Variants in DOCK10 observed in about 807,000 individuals in gnomAD.
DOCK10 encodes the protein dedicator of cytokinesis protein 10.
DOCK10 carries 145 observed loss-of-function variants against 280.1 expected under a neutral mutation model. The ratio of observed to expected loss-of-function variants is 0.52; its 90% CI spans 0.45 to 0.59. DOCK10 has a LOEUF of 0.59. DOCK10 is among the 20% of genes least tolerant of loss of function. The pLI is 0.00. For synonymous variants in DOCK10, 915 were observed against 942.2 expected, an observed-to-expected ratio of 0.97 and a Z score of 0.53; for missense variants, 2,368 against 2,651.7, an observed-to-expected ratio of 0.89 and a Z score of 2.35.
intron 28 of DOCK10, 62 bp downstream of exon 28, chr2:224,823,439 A>G: frequency 7.2e-7 from 1 of 1,389,748 alleles, no homozygotes; most frequent in Non-Finnish European, 9.5e-7. Context: ...ATGAAAGTTT[A>G]GACTATCTTG....
chr2:224,841,275 G>T (rs950284400), intron 23 of DOCK10, among the ~76,000 whole-genome samples: 3 of 152,030 alleles, frequency 2.0e-5, no homozygotes, highest in Non-Finnish European at 4.4e-5. Context: ...ATAAGTATGT[G>T]ATATAATAAA....
intron 1 of DOCK10, among the ~76,000 whole-genome samples, chr2:224,976,695 A>AAG (rs1559908715): frequency 6.6e-6 from 1 of 151,608 alleles, no homozygotes; most frequent in African/African-American, 2.4e-5. Context: ...AAAAAAAAAA[A>AAG]AAAAGGTTCC....
At position 224,947,878 on chromosome 2, in the gene DOCK10, C is replaced by T. The variant is rs576678638; in HGVS notation, c.124-16210G>A. Among the ~76,000 whole-genome samples, 6 of 152,198 alleles carry T rather than the reference C, an allele frequency of 3.9e-5. No homozygotes were observed. The South Asian group carries it at 6.2e-4, about 16-fold the overall frequency. ...CTGGGTCCTCAGTGATTAGAACACGCGGCACTCAAAAGGCTTTCAGTATAT... is the reference window on the plus strand; with the variant it reads ...CTGGGTCCTCAGTGATTAGAACACGTGGCACTCAAAAGGCTTTCAGTATAT... On this transcript the variant is annotated intron_variant, in intron 1 of 55. Transcript: ENST00000258390.
At chr2:224,899,696 G>GA (rs1259760850) in intron 3 of DOCK10, among the ~76,000 whole-genome samples, 1 of 150,920 alleles carries the variant, frequency 6.6e-6, no homozygotes, top group South Asian at 2.2e-4. Flanking sequence ...GGATATTATA[G>GA]AAAAAAAATG....
chr2:225,021,591 T>C (rs529012651), intron 1 of DOCK10, among the ~76,000 whole-genome samples: 6 of 152,340 alleles, frequency 3.9e-5, no homozygotes, highest in East Asian at 1.9e-4. Context: ...ACCTTGTACA[T>C]TGAGTACTTG....
chr2:224,954,687 A>C (rs1444303239), intron 1 of DOCK10, among the ~76,000 whole-genome samples: 1 of 152,230 alleles, frequency 6.6e-6, no homozygotes, highest in Non-Finnish European at 1.5e-5. Context: ...GCTAGCTCAT[A>C]GCATTTCTAA....
At chr2:224,957,295 G>GCCC (rs1326516353) in intron 1 of DOCK10, among the ~76,000 whole-genome samples, 7 of 123,758 alleles carry the variant, frequency 5.7e-5, no homozygotes, top group African/African-American at 1.8e-4. Flanking sequence ...GCCCCCCCCC[G>GCCC]GCTTTGTTTT....
chr2:225,011,742 C>T (rs1272323242), intron 1 of DOCK10, among the ~76,000 whole-genome samples: 1 of 152,028 alleles, frequency 6.6e-6, no homozygotes, highest in East Asian at 1.9e-4. Context: ...GCAGGGAGGC[C>T]ACGTCAATAT....
chr2:224,983,837 T>C, intron 1 of DOCK10: 1 of 471,090 alleles, frequency 2.1e-6, no homozygotes, highest in Non-Finnish European at 4.4e-6. Context: ...AAAAAAATGC[T>C]AATGATGCTG....
chr2:224,996,519 T>G (rs1404375825), intron 1 of DOCK10, among the ~76,000 whole-genome samples: 1 of 152,134 alleles, frequency 6.6e-6, no homozygotes, highest in Non-Finnish European at 1.5e-5. Context: ...CTAGAACCCT[T>G]TGAAAGTGAG....
At chr2:224,935,845 T>C (rs780879329) in intron 1 of DOCK10, among the ~76,000 whole-genome samples, 4 of 152,206 alleles carry the variant, frequency 2.6e-5, no homozygotes, top group Non-Finnish European at 5.9e-5. Context: ...TTTATATTAT[T>C]TCATCCAGAT....
intron 1 of DOCK10, among the ~76,000 whole-genome samples, chr2:224,996,941 A>G (rs1255853538): frequency 6.6e-6 from 1 of 152,164 alleles, no homozygotes; most frequent in Non-Finnish European, 1.5e-5. Flanking sequence ...AGTGAGGAAT[A>G]GCAATTGGAT....
intron 1 of DOCK10, among the ~76,000 whole-genome samples, chr2:224,974,667 G>T (rs1395039305): frequency 6.7e-6 from 1 of 150,304 alleles, no homozygotes; most frequent in Non-Finnish European, 1.5e-5. Flanking sequence ...GCAGTAATTT[G>T]TTGGAGTCTA....
chr2:224,897,930 A>G (rs1700077822), intron 3 of DOCK10, among the ~76,000 whole-genome samples: 1 of 152,196 alleles, frequency 6.6e-6, no homozygotes, highest in African/African-American at 2.4e-5. Flanking sequence ...CTAAAATTAC[A>G]TGATTCTGGG....
intron 1 of DOCK10, among the ~76,000 whole-genome samples, chr2:224,994,579 T>C (rs1706216150): frequency 6.6e-6 from 1 of 152,224 alleles, no homozygotes; most frequent in Non-Finnish European, 1.5e-5. Context: ...TTCTAGCAGC[T>C]TCTATCTTAG....
chr2:224,917,293 G>A (rs1438099242), intron 2 of DOCK10, among the ~76,000 whole-genome samples: 2 of 151,898 alleles, frequency 1.3e-5, no homozygotes, highest in African/African-American at 4.8e-5. Context: ...TTTTAGTAGA[G>A]ACAGGGTTTC....
chr2:224,941,565 C>T lies in DOCK10; in HGVS notation c.124-9897G>A, dbSNP rs142535916. Among the ~76,000 whole-genome samples, 30 of 152,120 alleles carry T rather than the reference C, an allele frequency of 2.0e-4. No homozygotes were observed. The East Asian group carries it at 5.8e-3, about 29-fold the overall frequency. The stretch of plus-strand genomic sequence containing the variant: ...CCAGGCCGGGCCTGGTGGCTCAGGC[C>T]GGGTGTGGTAGCTCACGTCTGTAAT... On this transcript the variant is annotated intron_variant, in intron 1 of 55. Transcript: ENST00000258390.
At chr2:225,041,564 T>C (rs1324125149) in intron 1 of DOCK10, among the ~76,000 whole-genome samples, 3 of 152,182 alleles carry the variant, frequency 2.0e-5, no homozygotes, top group African/African-American at 4.8e-5. Flanking sequence ...CAGTAAAGCA[T>C]TGCTGGTGGG....
At chr2:224,913,007 C>T (rs1189031186) in intron 3 of DOCK10, among the ~76,000 whole-genome samples, 1 of 151,444 alleles carries the variant, frequency 6.6e-6, no homozygotes, top group Non-Finnish European at 1.5e-5. Context: ...GCCTGGGTGA[C>T]AGAGGAAAGA....
Sources: gnomAD v4.1 joint callset for allele counts (sites outside exome capture counted in the v4.1 genomes callset) on GRCh38, gnomAD v4.1.1 for gene constraint, MANE v1.5 for transcripts, NCBI Gene and HGNC (gene_info 2026-07-23, HGNC 2026-07-21) for gene names.